TUBGCP2: variants seen among roughly 807,000 people sequenced by gnomAD.
TUBGCP2 encodes the protein tubulin gamma complex component 2, also known as gamma-tubulin complex component 2.
A neutral mutation model predicts 92.2 loss-of-function variants in TUBGCP2; 55 were observed. The observed-to-expected ratio is 0.60, with a 90% confidence interval of 0.48 to 0.75. The LOEUF is 0.75. TUBGCP2 is among the 30% of genes least tolerant of loss of function. TUBGCP2 has a pLI of 0.00. For missense variants in TUBGCP2, 1,093 were observed against 1,188.9 expected, an observed-to-expected ratio of 0.92 and a Z score of 1.19; for synonymous variants, 533 against 505.2, an observed-to-expected ratio of 1.06 and a Z score of -0.74.
At chr10:133,286,817 G>T (rs1847144917) in intron 11 of TUBGCP2, among the ~76,000 whole-genome samples, 1 of 152,202 alleles carries the variant, frequency 6.6e-6, no homozygotes, top group Non-Finnish European at 1.5e-5. Flanking sequence ...GAGGGAATCA[G>T]AAACACCTCC....
intron 2 of TUBGCP2, among the ~76,000 whole-genome samples, chr10:133,301,479 T>C (rs1458285407): frequency 6.6e-6 from 1 of 152,188 alleles, no homozygotes; most frequent in Non-Finnish European, 1.5e-5. Flanking sequence ...GAACTAAACA[T>C]GGGTGTCCCC....
At chr10:133,283,024 A>G in intron 15 of TUBGCP2, 54 bp downstream of exon 15, 23 of 1,606,504 alleles carry the variant, frequency 1.4e-5, no homozygotes, top group Non-Finnish European at 2.0e-5. Context: ...CGGTCGGGAC[A>G]TGGTCTGCCC....
upstream of TUBGCP2, chr10:133,309,249 G>A (rs545831250): frequency 1.8e-5 from 24 of 1,328,104 alleles, no homozygotes; most frequent in South Asian, 3.2e-4. Flanking sequence ...GGGCGGGGCC[G>A]GAACGTGGAG....
At chr10:133,301,668 G>A (rs1847658012) in intron 2 of TUBGCP2, 1 of 147,234 alleles carries the variant, frequency 6.8e-6, no homozygotes, top group African/African-American at 2.5e-5. Flanking sequence ...ATACCTTAAA[G>A]GCATTTCAAC....
Position 133,288,971 on chromosome 10 carries a change from C to G in TUBGCP2, c.1410G>C (p.Pro470=). The G allele has an allele frequency of 6.2e-7, 1 of 1,614,098 alleles. No homozygotes were observed. Among genetic ancestry groups the G allele is most frequent in the Non-Finnish European group, 8.5e-7 (1 of 1,179,972 alleles). The change falls in exon 10 of 18, where the codon CCG becomes CCC. Residue 470 remains proline (P), a synonymous_variant. Coordinates refer to ENST00000252936, the MANE Select transcript of TUBGCP2 (RefSeq NM_006659.4). The part of the protein sequence containing the change: ...VRECGHDVTC[P]VAKEIIYTLK... ...ACGTGTAGATGATCTCTTTAGCCACCGGGCAGGTGACGTCATGGCCACACT... is the reference window on the plus strand; with the variant it reads ...ACGTGTAGATGATCTCTTTAGCCACGGGGCAGGTGACGTCATGGCCACACT...
upstream of TUBGCP2, among the ~76,000 whole-genome samples, chr10:133,311,377 C>T (rs1373169809): frequency 6.6e-6 from 1 of 152,130 alleles, no homozygotes; most frequent in Non-Finnish European, 1.5e-5. Context: ...ATGGAAGAGA[C>T]TAGTTTATAG....
Position 133,283,735 on chromosome 10 carries a change from C to G in TUBGCP2, c.2145+147G>C, listed in dbSNP as rs28491291. On this transcript the variant is annotated intron_variant, in intron 14 of 17. Transcript: ENST00000252936. ...GCCCTGCCTCTCCCGCACTCCCTGCCTCTCCTGCACTCCCTGCGTCTCCCT... is the reference window on the plus strand; with the variant it reads ...GCCCTGCCTCTCCCGCACTCCCTGCGTCTCCTGCACTCCCTGCGTCTCCCT... 3.7e-5 allele frequency: 35 copies of G among 935,186 alleles called. No homozygotes were observed. In the African/African-American group the frequency reaches 4.1e-4, roughly 11 times the overall value. The allele number at this position is 935,186 out of a possible 1,614,324, so 57.9% of individuals were successfully genotyped here. A position where few individuals can be genotyped will look rare whatever the true frequency, so the allele number is the denominator to read the frequency against.
chr10:133,299,872 G>T, intron 3 of TUBGCP2, 113 bp downstream of exon 3: 1 of 1,417,828 alleles, frequency 7.1e-7, no homozygotes, highest in Non-Finnish European at 9.6e-7. Context: ...AAGCGTTACT[G>T]GTGTGAGCGA....
In TUBGCP2 at chr10:133,291,288, T is replaced by TCCGTGTCCCCC. The variant is rs1405367646; in HGVS notation, c.1214+1210_1214+1211insGGGGGACACGG. Among the ~76,000 whole-genome samples the TCCGTGTCCCCC allele has an allele frequency of 1.7e-4, 10 of 59,666 alleles. 1 individual carries two copies. In the South Asian group the frequency reaches 2.1e-3, roughly 12 times the overall value. 39.1% of individuals were successfully genotyped at this position (59,666 alleles called of 152,430 possible). A position where few individuals can be genotyped will look rare whatever the true frequency, so the allele number is the denominator to read the frequency against. ...TGTCCCCCATGTCCCTCCGTGTCCC[T>TCCGTGTCCCCC]GTGTCCCGGGGAGCCCTACCTGTAC... On this transcript the variant is annotated intron_variant, in intron 8 of 17. Coordinates refer to ENST00000252936, the MANE Select transcript of TUBGCP2 (RefSeq NM_006659.4).
At position 133,298,003 on chromosome 10, in the gene TUBGCP2, C is replaced by T. The variant is rs755060352; in HGVS notation, c.565G>A (p.Gly189Arg). Residue 189 changes from glycine to arginine, a missense_variant, in exon 5 of 18, where the codon GGG becomes AGG. Physicochemically the swap from Gly to Arg is moderately radical, Grantham distance 125. Around this residue, in one of 3 missense-constraint regions of TUBGCP2, gnomAD observed 490 missense variants for 488.5 expected, o/e 1.00. Coordinates refer to ENST00000252936, the MANE Select transcript of TUBGCP2 (RefSeq NM_006659.4). Reference sequence around the variant, plus strand: ...ATGCCAGCACCAATCAGGAAATCCCCGATCAGGGCAGGTCTCTCATACACC... The same window carrying T: ...ATGCCAGCACCAATCAGGAAATCCCTGATCAGGGCAGGTCTCTCATACACC... ...AWVYERPALI[G>R]DFLIGAGIST... 14 of 1,613,880 alleles carry T rather than the reference C, an allele frequency of 8.7e-6. No individual in the cohort carries two copies. Among genetic ancestry groups the T allele is most frequent in the East Asian group, 4.5e-5 (2 of 44,898 alleles).
Position 133,279,580 on chromosome 10 carries a change from C to T in TUBGCP2, c.*186G>A, listed in dbSNP as rs1846912780. On this transcript the variant is annotated 3_prime_UTR_variant, in exon 18 of 18. Transcript: ENST00000252936. ...TTAGCAAATCCAGGGAGACATCCAC[C>T]CTGCCTGGGCAGCTTCTATAAAACG... 4 of 859,864 alleles carry T rather than the reference C, an allele frequency of 4.7e-6. No individual in the cohort carries two copies. Among genetic ancestry groups the T allele is most frequent in the Non-Finnish European group, 3.3e-6 (2 of 603,472 alleles). The allele number at this position is 859,864 out of a possible 1,614,324, so 53.3% of individuals were successfully genotyped here. A position where few individuals can be genotyped will look rare whatever the true frequency, so the allele number is the denominator to read the frequency against.
rs371077405 is a variant in TUBGCP2 at position 133,288,832 on chromosome 10, G to A, written c.1541+8C>T. 3.1e-5 allele frequency: 50 copies of A among 1,601,458 alleles called. No homozygotes were observed. The highest frequency in any genetic ancestry group is 3.3e-4 in the Middle Eastern group (2 of 6,058). ...GAGTGCCCGCACAGGGACAGGGCAC[G>A]GAATCACCTGAGGTGAGCCACCAGC... On this transcript the variant is annotated splice_region_variant and intron_variant, in intron 10 of 17. Coordinates refer to ENST00000252936, the MANE Select transcript of TUBGCP2 (RefSeq NM_006659.4).
At chr10:133,303,642 G>A (rs1451639332) in intron 1 of TUBGCP2, among the ~76,000 whole-genome samples, 1 of 152,230 alleles carries the variant, frequency 6.6e-6, no homozygotes, top group Non-Finnish European at 1.5e-5. Flanking sequence ...GGCCCACACT[G>A]GTTCTCAGAG....
chr10:133,294,070 C>T (rs80268032), intron 5 of TUBGCP2, among the ~76,000 whole-genome samples: 17 of 152,344 alleles, frequency 1.1e-4, no homozygotes, highest in African/African-American at 2.9e-4. Context: ...GTTGAAAAGG[C>T]GACTCCAGCA....
intron 8 of TUBGCP2, among the ~76,000 whole-genome samples, chr10:133,291,295 C>T (rs1294620001): frequency 8.1e-5 from 9 of 111,784 alleles, no homozygotes; most frequent in Admixed American, 2.8e-4. Flanking sequence ...CCCTGTGTCC[C>T]GGGGAGCCCT....
rs1472858197 is a variant in TUBGCP2 at position 133,278,873 on chromosome 10, A to G, written c.*893T>C. 1.3e-5 allele frequency: 2 copies of G among 152,354 alleles called. No homozygotes were observed. The highest frequency in any genetic ancestry group is 3.8e-4 in the East Asian group (2 of 5,198). The allele number at this position is 152,354 out of a possible 1,614,324, so 9.4% of individuals were successfully genotyped here. ...ACTGCCCAAGGGGGCCGAGGTGCTGAGAGCTGAAGGTGACAACAATACACA... is the reference window on the plus strand; with the variant it reads ...ACTGCCCAAGGGGGCCGAGGTGCTGGGAGCTGAAGGTGACAACAATACACA... On this transcript the variant is annotated 3_prime_UTR_variant, in exon 18 of 18. Coordinates refer to ENST00000252936, the MANE Select transcript of TUBGCP2 (RefSeq NM_006659.4).
intron 13 of TUBGCP2, among the ~76,000 whole-genome samples, chr10:133,284,674 T>C (rs1297049741): frequency 1.3e-5 from 2 of 152,188 alleles, no homozygotes; most frequent in African/African-American, 4.8e-5. Context: ...CAAATTCTTA[T>C]GAAGCTCTGC....
chr10:133,303,211 T>TGCATGGGCCTG (rs1248373240), intron 1 of TUBGCP2, among the ~76,000 whole-genome samples: 1 of 150,290 alleles, frequency 6.7e-6, no homozygotes, highest in African/African-American at 2.5e-5. Flanking sequence ...GAGGGTCCTC[T>TGCATGGGCCTG]GGACGGGACT....
Position 133,282,113 on chromosome 10 carries a change from G to A in TUBGCP2, c.2409+110C>T, listed in dbSNP as rs372608740. The A allele has an allele frequency of 3.3e-5, 50 of 1,517,532 alleles. No homozygotes were observed. In the African/African-American group the frequency reaches 5.2e-4, roughly 16 times the overall value. 94.0% of individuals were successfully genotyped at this position (1,517,532 alleles called of 1,614,324 possible). A position where few individuals can be genotyped will look rare whatever the true frequency, so the allele number is the denominator to read the frequency against. ...TTTAAGTCTTTTCTTCAATCTGAGG[G>A]GAGATGGAAGTAAAAGGGGGGAGGT... On this transcript the variant is annotated intron_variant, in intron 16 of 17. Coordinates refer to ENST00000252936, the MANE Select transcript of TUBGCP2 (RefSeq NM_006659.4).
Sources: gnomAD v4.1 joint callset for allele counts (sites outside exome capture counted in the v4.1 genomes callset) on GRCh38, gnomAD v4.1.1 for gene constraint, gnomAD v4.1.1 regional missense constraint, MANE v1.5 for transcripts, NCBI Gene and HGNC (gene_info 2026-07-23, HGNC 2026-07-21) for gene names.